ERC2: variants seen among roughly 807,000 people sequenced by gnomAD.
The protein encoded by ERC2 is ERC protein 2.
ERC2 carries 42 observed loss-of-function variants against 114.8 expected under a neutral mutation model. That is an observed-to-expected ratio of 0.37 (90% CI 0.29 to 0.47). ERC2 has a LOEUF of 0.47. Ranked by LOEUF, ERC2 falls within the 20% of genes least tolerant of loss-of-function variation. The pLI, the probability that ERC2 is intolerant of heterozygous loss-of-function variation, is 0.99. For missense variants in ERC2, 939 were observed against 1,150.7 expected, an observed-to-expected ratio of 0.82 and a Z score of 2.66; for synonymous variants, 454 against 425.5, an observed-to-expected ratio of 1.07 and a Z score of -0.82.
At chr3:56,389,408 G>A (rs1054772996) in intron 2 of ERC2, among the ~76,000 whole-genome samples, 4 of 152,116 alleles carry the variant, frequency 2.6e-5, no homozygotes, top group Non-Finnish European at 4.4e-5. Flanking sequence ...CAGTGCCTAC[G>A]ATTTCCAGAG....
At position 55,743,803 on chromosome 3, in the gene ERC2, G is replaced by A. The variant is rs1343375082; in HGVS notation, c.2565-8885C>T. Among the ~76,000 whole-genome samples the A allele has an allele frequency of 2.0e-5, 3 of 151,960 alleles. No homozygotes were observed. The East Asian group carries it at 5.8e-4, about 29-fold the overall frequency. ...TCTCAGGGATAACCTTTTGACTGTG[G>A]CCCTGGGTAAGTTACTCACTGTCTC... is the stretch of plus-strand genomic sequence containing the variant. On this transcript the variant is annotated intron_variant, in intron 14 of 17. Coordinates refer to ENST00000288221, the MANE Select transcript of ERC2 (RefSeq NM_015576.3).
chr3:55,787,579 T>C (rs2069617415), intron 14 of ERC2, among the ~76,000 whole-genome samples: 1 of 152,216 alleles, frequency 6.6e-6, no homozygotes, highest in Non-Finnish European at 1.5e-5. Flanking sequence ...ACTTTTCATA[T>C]ATTTTACCTC....
chr3:56,450,851 A>T (rs577288697), intron 1 of ERC2, among the ~76,000 whole-genome samples: 1 of 152,314 alleles, frequency 6.6e-6, no homozygotes, highest in African/African-American at 2.4e-5. Flanking sequence ...AATAAATTTT[A>T]AAAATGGCAA....
intron 3 of ERC2, among the ~76,000 whole-genome samples, chr3:56,187,654 G>A (rs1007951442): frequency 1.3e-5 from 2 of 152,142 alleles, no homozygotes; most frequent in African/African-American, 2.4e-5. Flanking sequence ...GAGGCTTACT[G>A]TCTGTTATAG....
chr3:56,398,106 A>G (rs2060381537), intron 2 of ERC2, among the ~76,000 whole-genome samples: 1 of 152,190 alleles, frequency 6.6e-6, no homozygotes, highest in Non-Finnish European at 1.5e-5. Flanking sequence ...GAGTTTATAT[A>G]TGTTGCTAGA....
At chr3:55,616,826 G>A (rs779884789) in intron 17 of ERC2, among the ~76,000 whole-genome samples, 15 of 151,940 alleles carry the variant, frequency 9.9e-5, no homozygotes, top group Admixed American at 3.9e-4. Flanking sequence ...CCTGACCCCC[G>A]AGCCCAGCAA....
intron 17 of ERC2, among the ~76,000 whole-genome samples, chr3:55,543,047 A>C (rs2054503843): frequency 6.6e-6 from 1 of 152,112 alleles, no homozygotes; most frequent in Non-Finnish European, 1.5e-5. Context: ...CTGGTGTTTC[A>C]CTGCAAGTCC....
At chr3:56,462,924 C>T (rs1443784560) in intron 1 of ERC2, among the ~76,000 whole-genome samples, 1 of 152,082 alleles carries the variant, frequency 6.6e-6, no homozygotes, top group Non-Finnish European at 1.5e-5. Flanking sequence ...TCCAGCTTTG[C>T]CATTTGTAAG....
chr3:56,128,856 T>A (rs1450546485), intron 6 of ERC2, among the ~76,000 whole-genome samples: 1 of 152,224 alleles, frequency 6.6e-6, no homozygotes, highest in Non-Finnish European at 1.5e-5. Flanking sequence ...TTCCTTCACA[T>A]TTGACCAGAT....
At chr3:55,575,921 T>C (rs1258802785) in intron 17 of ERC2, among the ~76,000 whole-genome samples, 13 of 152,320 alleles carry the variant, frequency 8.5e-5, no homozygotes, top group Admixed American at 8.5e-4. Context: ...CTATCCCCAC[T>C]TACAAAGGAG....
At chr3:55,939,163 CAG>C (rs2066628828) in intron 13 of ERC2, among the ~76,000 whole-genome samples, 1 of 152,148 alleles carries the variant, frequency 6.6e-6, no homozygotes, top group African/African-American at 2.4e-5. Context: ...ATCATTATAA[CAG>C]AGCTGTTTTT....
intron 3 of ERC2, among the ~76,000 whole-genome samples, chr3:56,200,830 T>G (rs1206034653): frequency 6.6e-6 from 1 of 152,198 alleles, no homozygotes; most frequent in Non-Finnish European, 1.5e-5. Context: ...TGGGCCATGG[T>G]GGGAGTAACT....
At chr3:56,442,563 G>A (rs564407723) in intron 1 of ERC2, among the ~76,000 whole-genome samples, 93 of 152,152 alleles carry the variant, frequency 6.1e-4, no homozygotes, top group Middle Eastern at 3.4e-3. Flanking sequence ...ACTCCAGCTC[G>A]GCTTTAGACC....
chr3:55,551,758 C>A (rs2107423524), intron 17 of ERC2, among the ~76,000 whole-genome samples: 1 of 152,218 alleles, frequency 6.6e-6, no homozygotes, highest in Admixed American at 6.5e-5. Context: ...TCAAAGTCCT[C>A]CGATTTAAAT....
At chr3:56,022,675 G>A (rs1028738660) in intron 7 of ERC2, among the ~76,000 whole-genome samples, 2 of 152,182 alleles carry the variant, frequency 1.3e-5, no homozygotes, top group Admixed American at 6.5e-5. Flanking sequence ...AGCAGGAATT[G>A]GAAAATAAGC....
chr3:56,336,962 T>C (rs1333183232), intron 2 of ERC2, among the ~76,000 whole-genome samples: 3 of 152,226 alleles, frequency 2.0e-5, no homozygotes, highest in Non-Finnish European at 4.4e-5. Context: ...ACCTAACTCC[T>C]GTTAGAAAAA....
intron 3 of ERC2, among the ~76,000 whole-genome samples, chr3:56,265,943 C>T (rs925526006): frequency 7.9e-5 from 12 of 151,090 alleles, no homozygotes; most frequent in Non-Finnish European, 1.3e-4. Flanking sequence ...GCAGGAGAAT[C>T]ACTTGAACCT....
At chr3:56,048,510 A>G (rs1244303721) in intron 7 of ERC2, among the ~76,000 whole-genome samples, 1 of 152,174 alleles carries the variant, frequency 6.6e-6, no homozygotes, top group Non-Finnish European at 1.5e-5. Flanking sequence ...CTCTTCTGTA[A>G]GCATTTACTT....
intron 3 of ERC2, among the ~76,000 whole-genome samples, chr3:56,261,760 T>C (rs2052944517): frequency 6.6e-6 from 1 of 152,210 alleles, no homozygotes; most frequent in Non-Finnish European, 1.5e-5. Context: ...GTTTGTTACA[T>C]AGGTAAACTT....
Sources: allele counts gnomAD v4.1 joint callset (sites outside exome capture counted in the v4.1 genomes callset), GRCh38; gene constraint gnomAD v4.1.1; transcripts MANE v1.5; gene names NCBI Gene and HGNC (gene_info 2026-07-23, HGNC 2026-07-21).